DNAJC3: variants seen among roughly 807,000 people sequenced by gnomAD.
The protein encoded by DNAJC3 is DnaJ heat shock protein family (Hsp40) member C3, also known as dnaJ homolog subfamily C member 3.
DNAJC3 carries 38 observed loss-of-function variants against 68.6 expected under a neutral mutation model. That is an observed-to-expected ratio of 0.55 (90% CI 0.43 to 0.73). The LOEUF is 0.73. DNAJC3 is among the 30% of genes least tolerant of loss of function. The pLI, the probability that DNAJC3 is intolerant of heterozygous loss-of-function variation, is 0.00. For missense variants in DNAJC3, 526 were observed against 591.9 expected (o/e 0.89, Z 1.16); for synonymous variants, 203 against 204.0 (o/e 1.00, Z 0.04).
rs200059421 is a variant in DNAJC3 at position 95,779,924 on chromosome 13, T to TA, written c.1076-6006dup. ...ATCTTTGAAGTGATATTGTGCCAGT[T>TA]AAAAAAAAATTATTACTCATCATAA... On this transcript the variant is annotated intron_variant, in intron 9 of 11. Coordinates refer to ENST00000602402, the MANE Select transcript of DNAJC3 (RefSeq NM_006260.5). Among the ~76,000 whole-genome samples the TA allele has an allele frequency of 1.4e-3, 206 of 151,890 alleles. 2 individuals carry two copies. Among genetic ancestry groups the TA allele is most frequent in the Non-Finnish European group, 2.0e-3 (139 of 67,900 alleles).
intron 2 of DNAJC3, among the ~76,000 whole-genome samples, chr13:95,709,761 T>G (rs564022611): frequency 2.0e-5 from 3 of 150,146 alleles, no homozygotes; most frequent in Admixed American, 6.7e-5. Context: ...TGCCTCAGCC[T>G]CCCGAGTAGC....
intron 11 of DNAJC3, among the ~76,000 whole-genome samples, chr13:95,790,467 G>T (rs1274571110): frequency 1.3e-5 from 2 of 152,188 alleles, no homozygotes; most frequent in African/African-American, 4.8e-5. Flanking sequence ...GCTTGATGAG[G>T]TCATTGCCTT....
chr13:95,757,371 T>G (rs1230894383), intron 4 of DNAJC3, among the ~76,000 whole-genome samples: 1 of 152,222 alleles, frequency 6.6e-6, no homozygotes. Flanking sequence ...TTCTCTGTCC[T>G]TTCACGTGCC....
intron 1 of DNAJC3, among the ~76,000 whole-genome samples, chr13:95,705,982 T>G (rs1328927997): frequency 6.6e-6 from 1 of 152,218 alleles, no homozygotes; most frequent in African/African-American, 2.4e-5. Flanking sequence ...CCCTCTCTCT[T>G]ATTATGCTAG....
chr13:95,763,126 A>G (rs1882872720), intron 7 of DNAJC3, among the ~76,000 whole-genome samples: 1 of 152,236 alleles, frequency 6.6e-6, no homozygotes, highest in Non-Finnish European at 1.5e-5. Context: ...TTTTATTCTT[A>G]GAAAGCTTAT....
chr13:95,786,162 CTT>C, intron 10 of DNAJC3, 91 bp downstream of exon 10: 2 of 1,309,934 alleles, frequency 1.5e-6, no homozygotes, highest in Non-Finnish European at 2.1e-6. Context: ...GATTCATTTT[CTT>C]TACTTATGTA....
In DNAJC3 at chr13:95,760,748, G is replaced by A; in HGVS notation, c.798G>A (p.Lys266=). 6.2e-7 allele frequency: 1 copy of A among 1,612,808 alleles called. No homozygotes were observed. The highest frequency in any genetic ancestry group is 8.5e-7 in the Non-Finnish European group (1 of 1,179,444). ...GTTTTGCACACTATAAACAAGTAAA[G>A]AAACTTAATAAGCTGATTGAGTCAG... ...KRCFAHYKQV[K]KLNKLIESAE... The change falls in exon 7 of 12, where the codon AAG becomes AAA. Residue 266 remains lysine (K), a synonymous_variant. Coordinates refer to ENST00000602402, the MANE Select transcript of DNAJC3 (RefSeq NM_006260.5).
At chr13:95,782,153 ATAG>A (rs1883474246) in intron 9 of DNAJC3, among the ~76,000 whole-genome samples, 1 of 152,148 alleles carries the variant, frequency 6.6e-6, no homozygotes, top group East Asian at 1.9e-4. Flanking sequence ...TTATGGCTGC[ATAG>A]TATTCCATGG....
rs1271466420 is a variant in DNAJC3, at chr13:95,791,577, A to G, written c.*547A>G. ...GTGTTTGCACCTCTGTGGTCTGTCA[A>G]CGTGGCTGTCACTGAAGGAGCAAGA... is the stretch of plus-strand genomic sequence containing the variant. On this transcript the variant is annotated 3_prime_UTR_variant, in exon 12 of 12. Coordinates refer to ENST00000602402, the MANE Select transcript of DNAJC3 (RefSeq NM_006260.5). 3 of 153,404 alleles carry G rather than the reference A, an allele frequency of 2.0e-5. No individual in the cohort carries two copies. Among genetic ancestry groups the G allele is most frequent in the African/African-American group, 7.2e-5 (3 of 41,576 alleles). 9.5% of individuals were successfully genotyped at this position (153,404 alleles called of 1,614,324 possible).
chr13:95,728,909 T>C (rs1881613601), intron 4 of DNAJC3, among the ~76,000 whole-genome samples: 1 of 152,162 alleles, frequency 6.6e-6, no homozygotes, highest in South Asian at 2.1e-4. Flanking sequence ...CTTTGCTGTG[T>C]GTTTGTACCC....
chr13:95,773,354 A>G (rs1421555915), intron 9 of DNAJC3, among the ~76,000 whole-genome samples: 1 of 151,448 alleles, frequency 6.6e-6, no homozygotes, highest in Admixed American at 6.6e-5. Flanking sequence ...TATTTTTTGT[A>G]GAGATGATGT....
At chr13:95,790,824 C>T (rs1566520616) in intron 11 of DNAJC3, 49 bp from the exon 12 acceptor site, 2 of 1,589,030 alleles carry the variant, frequency 1.3e-6, no homozygotes, top group East Asian at 2.3e-5. Flanking sequence ...TCCCCCTGCC[C>T]CTATACCTTA....
intron 9 of DNAJC3, among the ~76,000 whole-genome samples, chr13:95,776,205 A>C (rs1257647586): frequency 6.6e-6 from 1 of 152,148 alleles, no homozygotes; most frequent in Non-Finnish European, 1.5e-5. Context: ...TCAAAAAGTG[A>C]TATGAATGCG....
chr13:95,739,016 C>A (rs1266931416), intron 4 of DNAJC3, among the ~76,000 whole-genome samples: 1 of 152,072 alleles, frequency 6.6e-6, no homozygotes, highest in East Asian at 1.9e-4. Context: ...TAGGGCAGGC[C>A]TGGTGGTGAC....
intron 1 of DNAJC3, among the ~76,000 whole-genome samples, chr13:95,690,843 C>T (rs1880221551): frequency 7.4e-6 from 1 of 135,646 alleles, no homozygotes; most frequent in Non-Finnish European, 1.6e-5. Flanking sequence ...CAGAGGGGCT[C>T]CTCACTTCCC....
chr13:95,679,581 T>C (rs1453998962), intron 1 of DNAJC3, among the ~76,000 whole-genome samples: 1 of 152,206 alleles, frequency 6.6e-6, no homozygotes, highest in East Asian at 1.9e-4. Context: ...AATCTCATAG[T>C]TCTCTGAAAG....
At chr13:95,761,401 G>A (rs17883975) in intron 7 of DNAJC3, among the ~76,000 whole-genome samples, 1 of 152,174 alleles carries the variant, frequency 6.6e-6, no homozygotes, top group African/African-American at 2.4e-5. Flanking sequence ...ACTGAAAAGA[G>A]TAGAGGGCAC....
At chr13:95,701,573 T>G (rs1394774096) in intron 1 of DNAJC3, among the ~76,000 whole-genome samples, 3 of 152,230 alleles carry the variant, frequency 2.0e-5, no homozygotes, top group Non-Finnish European at 2.9e-5. Context: ...GTTTAAACTC[T>G]CATTGAAATC....
intron 11 of DNAJC3, among the ~76,000 whole-genome samples, chr13:95,789,078 G>T (rs1883684935): frequency 6.6e-6 from 1 of 151,914 alleles, no homozygotes. Flanking sequence ...GCGAGACTTG[G>T]GATTATTTTT....
Sources: allele counts gnomAD v4.1 joint callset (sites outside exome capture counted in the v4.1 genomes callset), GRCh38; gene constraint gnomAD v4.1.1; transcripts MANE v1.5; gene names NCBI Gene and HGNC (gene_info 2026-07-23, HGNC 2026-07-21).